LYST: variants seen among roughly 807,000 people sequenced by gnomAD.
The protein encoded by LYST is lysosomal-trafficking regulator.
LYST carries 192 observed loss-of-function variants against 413.6 expected under a neutral mutation model. That is an observed-to-expected ratio of 0.46 (90% CI 0.41 to 0.52). LYST has a LOEUF of 0.52. LYST is among the 20% of genes least tolerant of loss of function. The pLI, the probability that LYST is intolerant of heterozygous loss-of-function variation, is 0.00. For synonymous variants in LYST, 1,525 were observed against 1,567.3 expected (o/e 0.97, Z 0.64); for missense variants, 3,815 against 4,499.9 (o/e 0.85, Z 4.35).
chr1:235,759,572 T>C lies in LYST; in HGVS notation c.6281A>G (p.Gln2094Arg). The C allele has an allele frequency of 1.2e-6, 2 of 1,613,560 alleles. No individual in the cohort carries two copies. The highest frequency in any genetic ancestry group is 2.2e-5 in the East Asian group (1 of 44,854). Residue 2094 changes from glutamine to arginine, a missense_variant, in exon 23 of 53, where the codon CAA becomes CGA. Gln to Arg is a conservative substitution (Grantham distance 43). This residue lies in a region of LYST where 530 missense variants were observed against 696.5 expected (regional missense o/e 0.76). Transcript: ENST00000389793. ...ACGCAGCATATGGGCGGCCATCTGTTGTGGAATAATATTAGAGGAATTCTC... is the reference window on the plus strand; with the variant it reads ...ACGCAGCATATGGGCGGCCATCTGTCGTGGAATAATATTAGAGGAATTCTC... ...EGENSSNIIPQQMAAHMLRSR... is the reference protein window; with the variant it reads ...EGENSSNIIPRQMAAHMLRSR...
chr1:235,745,822 T>C (rs1008406639), intron 29 of LYST, among the ~76,000 whole-genome samples: 24 of 152,178 alleles, frequency 1.6e-4, no homozygotes, highest in African/African-American at 5.8e-4. Context: ...TATATAACAT[T>C]CTTGATGAAA....
At position 235,805,748 on chromosome 1, in the gene LYST, T is replaced by C; in HGVS notation, c.3388A>G (p.Asn1130Asp). 1 of 1,608,596 alleles carries C rather than the reference T, an allele frequency of 6.2e-7. No homozygotes were observed. Among genetic ancestry groups the C allele is most frequent in the Admixed American group, 1.7e-5 (1 of 59,900 alleles). ...GACTAAGGACAAGGTATTACCTGAT[T>C]AGGTAACTCCAATTCCATCTTCTGT... ...SQQKMELELP[N>D]QNLSVESILF... The change falls in exon 6 of 53, where the codon AAT (asparagine) becomes GAT (aspartate). Residue 1130 changes from asparagine (N) to aspartate (D), a missense_variant. By Grantham distance (23) the Asn-to-Asp change is conservative. This residue lies in a region of LYST where 1,648 missense variants were observed against 1,810.3 expected (regional missense o/e 0.91). Coordinates refer to ENST00000389793, the MANE Select transcript of LYST (RefSeq NM_000081.4).
Position 235,804,550 on chromosome 1 carries a change from C to T in LYST, c.3509G>A (p.Gly1170Glu). 6.2e-7 allele frequency: 1 copy of T among 1,613,648 alleles called. No individual in the cohort carries two copies. Among genetic ancestry groups the T allele is most frequent in the South Asian group, 1.1e-5 (1 of 91,070 alleles). ...ATGTTCAAAATCTGCTGAATAATTC[C>T]CGAGGGCAACTCGAAGCAGGGCATC... ...LFDALLRVAL[G>E]NYSADFEHND... is the part of the protein sequence containing the mutation. The change falls in exon 7 of 53, where the codon GGG becomes GAG. Residue 1170 changes from glycine (G) to glutamate (E), a missense_variant. By Grantham distance (98) the Gly-to-Glu change is moderately conservative. Around this residue, in one of 4 missense-constraint regions of LYST, gnomAD observed 1,648 missense variants for 1,810.3 expected, o/e 0.91. Transcript: ENST00000389793.
intron 38 of LYST, among the ~76,000 whole-genome samples, chr1:235,726,727 G>A (rs1663906100): frequency 6.6e-6 from 1 of 152,154 alleles, no homozygotes; most frequent in Admixed American, 6.5e-5. Flanking sequence ...AAATTAAATG[G>A]TGTCTTCCCA....
chr1:235,709,021 G>T, intron 44 of LYST, 70 bp downstream of exon 44: 2 of 1,404,940 alleles, frequency 1.4e-6, no homozygotes, highest in East Asian at 2.3e-5. Flanking sequence ...AGGAATGGCC[G>T]AACAACTAAC....
rs575246194 is a variant in LYST, at chr1:235,809,709, T to A, written c.1109A>T (p.Gln370Leu). 3 of 1,613,568 alleles carry A rather than the reference T, an allele frequency of 1.9e-6. No individual in the cohort carries two copies. Among genetic ancestry groups the A allele is most frequent in the Non-Finnish European group, 2.5e-6 (3 of 1,179,804 alleles). Reference protein sequence around the residue: ...ALKIRICLEKQPDPFAPRQKK... With the variant: ...ALKIRICLEKLPDPFAPRQKK... ...TTGTCTTGGTGCAAAAGGGTCAGGC[T>A]GCTTTTCTAGGCATATTCTAATTTT... The change falls in exon 5 of 53, where the codon CAG becomes CTG. Residue 370 changes from glutamine to leucine, a missense_variant. By Grantham distance (113) the Gln-to-Leu change is moderately radical. Transcript: ENST00000389793. The surrounding 1 kb of genome is among the most constrained non-coding windows in gnomAD (Gnocchi z 4.0).
intron 3 of LYST, 122 bp from the exon 4 acceptor site, chr1:235,813,183 A>T (rs963660655): frequency 2.6e-5 from 18 of 700,826 alleles, no homozygotes; most frequent in Middle Eastern, 4.8e-4. Flanking sequence ...TGAAAAGCTA[A>T]GAATCAAATT....
At chr1:235,764,292 T>C (rs530671962) in intron 21 of LYST, among the ~76,000 whole-genome samples, 7 of 152,176 alleles carry the variant, frequency 4.6e-5, no homozygotes, top group South Asian at 2.1e-4. Context: ...TTATCCTCTT[T>C]CCCTCAACTA....
chr1:235,717,707 C>CT (rs57348366), intron 40 of LYST, among the ~76,000 whole-genome samples: 19,145 of 147,124 alleles, frequency 0.13, 3,602 homozygotes, highest in African/African-American at 0.42. Context: ...GTTGATACAT[C>CT]TTTTTTTTTT....
At chr1:235,866,594 C>A (rs1305212647) in intron 1 of LYST, among the ~76,000 whole-genome samples, 1 of 152,154 alleles carries the variant, frequency 6.6e-6, no homozygotes, top group Admixed American at 6.5e-5. Flanking sequence ...CTCCCGCCCG[C>A]GGCCCGGCGG....
At chr1:235,749,284 C>T (rs1171325227) in intron 28 of LYST, among the ~76,000 whole-genome samples, 1 of 152,148 alleles carries the variant, frequency 6.6e-6, no homozygotes, top group Non-Finnish European at 1.5e-5. Context: ...GCACAATCTT[C>T]TCCAAGTATA....
intron 23 of LYST, 44 bp from the exon 24 acceptor site, chr1:235,757,502 G>T (rs758107516): frequency 1.4e-6 from 2 of 1,431,990 alleles, no homozygotes; most frequent in Admixed American, 3.3e-5. Flanking sequence ...GACAAGAAAA[G>T]TACTTGATGA....
At position 235,741,322 on chromosome 1, in the gene LYST, A is replaced by T. The variant is rs1665379932; in HGVS notation, c.8358+100T>A. The T allele has an allele frequency of 4.8e-6, 5 of 1,049,844 alleles. No individual in the cohort carries two copies. In the Admixed American group the frequency reaches 8.6e-5, roughly 18 times the overall value. The allele number at this position is 1,049,844 out of a possible 1,614,324, so 65.0% of individuals were successfully genotyped here. ...GCTTGGTAAGAAAATTATATTTATA[A>T]ATTAGGCATGAACATTCAGTTTAAT... On this transcript the variant is annotated intron_variant, in intron 31 of 52. Transcript: ENST00000389793.
intron 1 of LYST, among the ~76,000 whole-genome samples, chr1:235,857,776 C>CATAT (rs1176270589): frequency 4.3e-5 from 6 of 140,608 alleles, no homozygotes; most frequent in African/African-American, 1.7e-4. Context: ...CACACACACA[C>CATAT]ACACACACAT....
intron 12 of LYST, 119 bp downstream of exon 12, chr1:235,791,580 C>T: frequency 2.4e-6 from 2 of 829,394 alleles, no homozygotes; most frequent in South Asian, 2.7e-5. Context: ...CTAAGTAAGG[C>T]ATTTAAGGTG....
At chr1:235,793,361 A>G (rs1671215585) in intron 11 of LYST, 142 bp downstream of exon 11, 3 of 519,900 alleles carry the variant, frequency 5.8e-6, no homozygotes, top group South Asian at 6.3e-5. Context: ...TTCACACATA[A>G]TAACATGAAA....
intron 34 of LYST, among the ~76,000 whole-genome samples, chr1:235,731,763 G>A (rs1281587274): frequency 2.0e-5 from 3 of 151,836 alleles, no homozygotes; most frequent in Non-Finnish European, 1.5e-5. Flanking sequence ...TCATCATGTC[G>A]GCCAGGCTTG....
chr1:235,730,243 A>C (rs1192446074), intron 36 of LYST, among the ~76,000 whole-genome samples: 1 of 152,030 alleles, frequency 6.6e-6, no homozygotes, highest in Admixed American at 6.6e-5. Context: ...TGCAATGATA[A>C]TACTATCAAT....
intron 48 of LYST, among the ~76,000 whole-genome samples, chr1:235,681,500 A>G (rs1659812285): frequency 6.6e-6 from 1 of 152,168 alleles, no homozygotes; most frequent in Non-Finnish European, 1.5e-5. Context: ...GAAGGCCATC[A>G]TAGAGCCTAC....
Sources: allele counts gnomAD v4.1 joint callset (sites outside exome capture counted in the v4.1 genomes callset), GRCh38; gene constraint gnomAD v4.1.1; regional missense constraint gnomAD v4.1.1; non-coding constraint Gnocchi (gnomAD v3.1); transcripts MANE v1.5; gene names NCBI Gene and HGNC (gene_info 2026-07-23, HGNC 2026-07-21).